KRT7: variants seen among roughly 807,000 people sequenced by gnomAD.
The protein encoded by KRT7 is keratin, type II cytoskeletal 7.
KRT7 carries 50 observed loss-of-function variants against 42.8 expected under a neutral mutation model. That is an observed-to-expected ratio of 1.17 (90% CI 0.93 to 1.48). The LOEUF is 1.48. Ranked by LOEUF, KRT7 falls within the 40% of genes most tolerant of loss-of-function variation. The pLI is 0.00. For synonymous variants in KRT7, 268 were observed against 266.3 expected, an observed-to-expected ratio of 1.01 and a Z score of -0.06; for missense variants, 588 against 637.6, an observed-to-expected ratio of 0.92 and a Z score of 0.84.
chr12:52,248,110 AG>A, intron 7 of KRT7, 66 bp from the exon 8 acceptor site: 1 of 1,431,434 alleles, frequency 7.0e-7, no homozygotes, highest in South Asian at 1.2e-5. Flanking sequence ...GGAAGGAGAG[AG>A]GGCTGAGAGC....
At chr12:52,254,710 C>G (rs1473613449), downstream of KRT7, among the ~76,000 whole-genome samples, 1 of 152,204 alleles carries the variant, frequency 6.6e-6, no homozygotes, top group Non-Finnish European at 1.5e-5. Context: ...CCTCTCCGCT[C>G]TGGAATCTCA....
intron 7 of KRT7, chr12:52,246,186 G>A (rs1407414958): frequency 6.5e-6 from 1 of 153,544 alleles, no homozygotes; most frequent in African/African-American, 2.4e-5. Flanking sequence ...AGGCTGGAAT[G>A]GGGGAGTCTG....
chr12:52,237,721 C>CATGTAT, intron 3 of KRT7, 152 bp downstream of exon 3: 1 of 322,976 alleles, frequency 3.1e-6, no homozygotes, highest in Non-Finnish European at 5.7e-6. Context: ...CCTGTGGGTG[C>CATGTAT]GTGTATGTGT....
chr12:52,237,342 G>A (rs563611990), intron 2 of KRT7, among the ~76,000 whole-genome samples, 167 bp from the exon 3 acceptor site: 2 of 152,118 alleles, frequency 1.3e-5, no homozygotes, highest in Admixed American at 6.5e-5. Context: ...GAATGGCCGC[G>A]TGGAAGTCAG....
chr12:52,245,162 A>G (rs946783504), intron 6 of KRT7: 12 of 562,696 alleles, frequency 2.1e-5, no homozygotes, highest in Non-Finnish European at 3.4e-5. Context: ...CTTAGAAAAG[A>G]GGGGACTTTG....
At chr12:52,254,647 C>T (rs982822981), downstream of KRT7, among the ~76,000 whole-genome samples, 12 of 152,192 alleles carry the variant, frequency 7.9e-5, no homozygotes, top group South Asian at 6.2e-4. Context: ...CATGCACTAT[C>T]ACCAAAACTT....
intron 7 of KRT7, chr12:52,246,055 C>T (rs572978782): frequency 5.3e-6 from 1 of 187,804 alleles, no homozygotes; most frequent in South Asian, 1.3e-4. Context: ...TTCCAGGACG[C>T]CAGGCTGCTT....
chr12:52,244,975 T>C (rs1159283562), intron 6 of KRT7: 1 of 194,600 alleles, frequency 5.1e-6, no homozygotes, highest in Non-Finnish European at 1.0e-5. Flanking sequence ...GATCCCATGG[T>C]CTTCGAGCTC....
In KRT7 at chr12:52,237,513, G is replaced by A. The variant is rs1184910353; in HGVS notation, c.541G>A (p.Glu181Lys). ...DVVEDFKNKY[E>K]DEINHRTAAE... The stretch of plus-strand genomic sequence containing the variant: ...CCAGGCCCTCCTCTACTGTAGGTAC[G>A]AAGATGAAATTAACCACCGCACAGC... The change falls in exon 3 of 9, where the codon GAA becomes AAA. Residue 181 changes from glutamate to lysine, a missense_variant. Transcript: ENST00000331817. The A allele has an allele frequency of 1.9e-6, 3 of 1,611,034 alleles. No homozygotes were observed. Among genetic ancestry groups the A allele is most frequent in the South Asian group, 1.1e-5 (1 of 90,732 alleles).
intron 4 of KRT7, among the ~76,000 whole-genome samples, chr12:52,239,749 A>G (rs921210310): frequency 6.6e-6 from 1 of 152,216 alleles, no homozygotes; most frequent in Non-Finnish European, 1.5e-5. Flanking sequence ...ATTTACTCCC[A>G]GAGGGGCTGG....
At chr12:52,248,985 G>T, downstream of KRT7, 1 of 405,364 alleles carries the variant, frequency 2.5e-6, no homozygotes, top group Non-Finnish European at 4.4e-6. Flanking sequence ...AGAAGGCAGG[G>T]TCTCCCTGGT....
chr12:52,245,642 A>G lies in KRT7; in HGVS notation c.1205+10A>G, dbSNP rs1322944954. On this transcript the variant is annotated intron_variant, in intron 7 of 8. Coordinates refer to ENST00000331817, the MANE Select transcript of KRT7 (RefSeq NM_005556.4). ...AGGGCGAGGAGAGCCGGTGAGGACAAGGAACCTGGAAAGGGGATGCTTCTA... is the reference window on the plus strand; with the variant it reads ...AGGGCGAGGAGAGCCGGTGAGGACAGGGAACCTGGAAAGGGGATGCTTCTA... 3 of 1,612,976 alleles carry G rather than the reference A, an allele frequency of 1.9e-6. No individual in the cohort carries two copies. The African/African-American group carries it at 4.0e-5, about 22-fold the overall frequency.
downstream of KRT7, among the ~76,000 whole-genome samples, chr12:52,252,706 G>A (rs1202676911): frequency 6.6e-6 from 1 of 152,214 alleles, no homozygotes; most frequent in Admixed American, 6.5e-5. Flanking sequence ...CAGAGGATCT[G>A]GCCACACTGG....
chr12:52,243,147 G>A lies in KRT7; in HGVS notation c.984+10G>A. ...CAACATCAAGAACCAGGTGGGACAA[G>A]TCCTCCTGGCTTCCCCTGCTACTTG... is the stretch of plus-strand genomic sequence containing the variant. On this transcript the variant is annotated intron_variant, in intron 6 of 8. Coordinates refer to ENST00000331817, the MANE Select transcript of KRT7 (RefSeq NM_005556.4). The A allele has an allele frequency of 6.2e-7, 1 of 1,607,260 alleles. No individual in the cohort carries two copies.
In KRT7 at chr12:52,241,596, A is replaced by G; in HGVS notation, c.818A>G (p.Lys273Arg). ...EVKAQYEEMA[K>R]CSRAEAEAWY... is the part of the protein sequence containing the mutation. ...AAGGCGCAGTATGAGGAGATGGCCAAATGCAGCCGGGCTGAGGCTGAAGCC... is the reference window on the plus strand; with the variant it reads ...AAGGCGCAGTATGAGGAGATGGCCAGATGCAGCCGGGCTGAGGCTGAAGCC... Residue 273 changes from lysine (K) to arginine (R), a missense_variant, in exon 5 of 9, where the codon AAA becomes AGA. Transcript: ENST00000331817. 1 of 1,613,168 alleles carries G rather than the reference A, an allele frequency of 6.2e-7. No homozygotes were observed. The highest frequency in any genetic ancestry group is 8.5e-7 in the Non-Finnish European group (1 of 1,179,454).
At chr12:52,254,896 T>C (rs370176480), downstream of KRT7, among the ~76,000 whole-genome samples, 8 of 152,194 alleles carry the variant, frequency 5.3e-5, no homozygotes, top group East Asian at 9.6e-4. Flanking sequence ...CAGGCACTTG[T>C]ACAGAGTCAA....
At chr12:52,247,538 G>A (rs1218942042) in intron 7 of KRT7, 2 of 152,930 alleles carry the variant, frequency 1.3e-5, no homozygotes, top group Non-Finnish European at 2.9e-5. Flanking sequence ...ATGGGACTGT[G>A]AGTCACAAAA....
At chr12:52,253,251 G>A (rs1447702829), downstream of KRT7, 2 of 1,610,812 alleles carry the variant, frequency 1.2e-6, no homozygotes, top group Admixed American at 1.7e-5. Flanking sequence ...GTCAGCCTCT[G>A]GATCATGCGG....
At chr12:52,238,394 A>G (rs1374673699) in intron 3 of KRT7, among the ~76,000 whole-genome samples, 1 of 152,218 alleles carries the variant, frequency 6.6e-6, no homozygotes, top group Non-Finnish European at 1.5e-5. Context: ...TAGTAGGTGG[A>G]GCTAGTGGTG....
Sources: gnomAD v4.1 joint callset for allele counts (sites outside exome capture counted in the v4.1 genomes callset) on GRCh38, gnomAD v4.1.1 for gene constraint, MANE v1.5 for transcripts, NCBI Gene and HGNC (gene_info 2026-07-23, HGNC 2026-07-21) for gene names.